The following RAP1GAP2 variants were observed in gnomAD, a reference collection of about 807,000 sequenced individuals.
RAP1GAP2 encodes the protein RAP1 GTPase activating protein 2.
In RAP1GAP2, 27 loss-of-function variants were observed where a neutral mutation model predicts 95.0. The ratio of observed to expected loss-of-function variants is 0.28; its 90% CI spans 0.21 to 0.39. The LOEUF (loss-of-function observed/expected upper bound fraction) is 0.39, where lower values mean the gene tolerates loss of function less well. Ranked by LOEUF, RAP1GAP2 falls within the 10% of genes least tolerant of loss-of-function variation. RAP1GAP2 has a pLI of 1.00. For synonymous variants in RAP1GAP2, 373 were observed against 380.9 expected (o/e 0.98, Z 0.24); for missense variants, 771 against 970.0 (o/e 0.79, Z 2.72).
intron 19 of RAP1GAP2, among the ~76,000 whole-genome samples, chr17:3,024,902 A>G (rs1302938445): frequency 6.6e-6 from 1 of 152,204 alleles, no homozygotes; most frequent in East Asian, 1.9e-4. Flanking sequence ...TTACAGGGAG[A>G]GGACTAGGAA....
upstream of RAP1GAP2, among the ~76,000 whole-genome samples, chr17:2,793,418 T>C (rs2068981506): frequency 6.6e-6 from 1 of 152,292 alleles, no homozygotes; most frequent in Non-Finnish European, 1.5e-5. Flanking sequence ...TCTCCCAAAG[T>C]GTTGGGATTA....
rs150942427 is a variant in RAP1GAP2, at chr17:2,796,758, C to G, written c.44+187C>G. Among the ~76,000 whole-genome samples, 439 of 152,344 alleles carry G rather than the reference C, an allele frequency of 2.9e-3. 2 individuals are homozygous for G. The highest frequency in any genetic ancestry group is 9.9e-3 in the African/African-American group (412 of 41,574). Reference sequence around the variant, plus strand: ...CATCAGAGACCGTAAGCCTTCCCCACTGTCCCTGGGCACAATCTGCTGGCG... The same window carrying G: ...CATCAGAGACCGTAAGCCTTCCCCAGTGTCCCTGGGCACAATCTGCTGGCG... On this transcript the variant is annotated intron_variant, in intron 1 of 24. Transcript: ENST00000254695. The surrounding 1 kb of genome is among the most constrained non-coding windows in gnomAD (Gnocchi z 4.7).
intron 2 of RAP1GAP2, among the ~76,000 whole-genome samples, chr17:2,872,846 A>G (rs965080256): frequency 5.9e-5 from 9 of 151,900 alleles, no homozygotes; most frequent in African/African-American, 2.2e-4. Context: ...AAGTTTTTGT[A>G]GAGACTGGAT....
In RAP1GAP2 at chr17:2,867,933, G is replaced by GCA. The variant is rs1351875789; in HGVS notation, c.81-37351_81-37350insCA. 6.6e-6 allele frequency among the ~76,000 whole-genome samples: 1 copy of GCA among 152,138 alleles called. No homozygotes were observed. The highest frequency in any genetic ancestry group is 6.5e-5 in the Admixed American group (1 of 15,268). The stretch of plus-strand genomic sequence containing the variant: ...TTCTTCTTCACGGATGCAGCTCGCG[G>GCA]GATCCCCAAGCCTTTGGTAGTAAAC... On this transcript the variant is annotated intron_variant, in intron 2 of 24. Coordinates refer to ENST00000254695, the MANE Select transcript of RAP1GAP2 (RefSeq NM_015085.5). This position sits in a 1 kb window ranked among gnomAD's most constrained non-coding sequence, Gnocchi z 4.5.
At chr17:2,905,827 C>T (rs146058086) in intron 3 of RAP1GAP2, among the ~76,000 whole-genome samples, 235 of 152,250 alleles carry the variant, frequency 1.5e-3, no homozygotes, top group Non-Finnish European at 2.7e-3. Context: ...AGGTTCGGGT[C>T]GGGGTGGCAG....
intron 2 of RAP1GAP2, among the ~76,000 whole-genome samples, chr17:2,824,629 A>G (rs1399508774): frequency 6.7e-6 from 1 of 148,590 alleles, no homozygotes; most frequent in African/African-American, 2.5e-5. Context: ...AATCCTAGCT[A>G]CTCGGGAGGC....
At chr17:2,859,400 C>T (rs1021667478) in intron 2 of RAP1GAP2, among the ~76,000 whole-genome samples, 1 of 151,268 alleles carries the variant, frequency 6.6e-6, no homozygotes, top group Non-Finnish European at 1.5e-5. Flanking sequence ...ATACATGAGC[C>T]ACCCTGCTTG....
intron 2 of RAP1GAP2, among the ~76,000 whole-genome samples, chr17:2,881,981 T>C (rs1329242062): frequency 2.8e-5 from 4 of 144,848 alleles, no homozygotes; most frequent in African/African-American, 7.7e-5. Context: ...CCACCACGCC[T>C]GGCTAATTTT....
chr17:2,830,704 A>G (rs1391611327), intron 2 of RAP1GAP2, among the ~76,000 whole-genome samples: 2 of 152,056 alleles, frequency 1.3e-5, no homozygotes, highest in Admixed American at 1.3e-4. Flanking sequence ...ACAGAATGAG[A>G]CTCTGTCTCA....
rs71153307 is a variant in RAP1GAP2 at position 2,868,516 on chromosome 17, A to ATTTTTTTTTTTTTTT, written c.81-36763_81-36749dup. ...TTTAGCAATTCCTCTACCAGGTGCA[A>ATTTTTTTTTTTTTTT]TTTTTTTTTTTTTTTTTTTGAGATG... On this transcript the variant is annotated intron_variant, in intron 2 of 24. Coordinates refer to ENST00000254695, the MANE Select transcript of RAP1GAP2 (RefSeq NM_015085.5). 1.1e-3 allele frequency among the ~76,000 whole-genome samples: 130 copies of ATTTTTTTTTTTTTTT among 122,796 alleles called. 3 individuals are homozygous for ATTTTTTTTTTTTTTT. Among genetic ancestry groups the ATTTTTTTTTTTTTTT allele is most frequent in the African/African-American group, 3.7e-3 (124 of 33,356 alleles). The allele number at this position is 122,796 out of a possible 152,430, so 80.6% of individuals were successfully genotyped here. A position where few individuals can be genotyped will look rare whatever the true frequency, so the allele number is the denominator to read the frequency against.
At position 2,857,995 on chromosome 17, in the gene RAP1GAP2, G is replaced by T. The variant is rs1252921739; in HGVS notation, c.81-47289G>T. 2.6e-5 allele frequency among the ~76,000 whole-genome samples: 4 copies of T among 152,094 alleles called. No individual in the cohort carries two copies. The highest frequency in any genetic ancestry group is 9.7e-5 in the African/African-American group (4 of 41,418). On this transcript the variant is annotated intron_variant, in intron 2 of 24. Coordinates refer to ENST00000254695, the MANE Select transcript of RAP1GAP2 (RefSeq NM_015085.5). This position sits in a 1 kb window ranked among gnomAD's most constrained non-coding sequence, Gnocchi z 4.0. The stretch of plus-strand genomic sequence containing the variant: ...TGCACCTGTAATCCCAGCTATTCAG[G>T]AGGCTGAGGCAGGACAACTGCTTGA...
chr17:2,834,016 G>A (rs2071023997), intron 2 of RAP1GAP2, among the ~76,000 whole-genome samples: 1 of 152,176 alleles, frequency 6.6e-6, no homozygotes, highest in Admixed American at 6.6e-5. Context: ...TCCTCCGTAA[G>A]TCAGGTGGAC....
chr17:2,927,899 A>G lies in RAP1GAP2; in HGVS notation c.165+22531A>G, dbSNP rs553332753. Among the ~76,000 whole-genome samples the G allele has an allele frequency of 8.5e-5, 13 of 152,306 alleles. No individual in the cohort carries two copies. The East Asian group carries it at 1.9e-3, about 23-fold the overall frequency. ...TTTGCGAGCCCGTGACTGATGATAC[A>G]GTATCAGATGTCCTTGCCCTGATCC... is the stretch of plus-strand genomic sequence containing the variant. On this transcript the variant is annotated intron_variant, in intron 3 of 24. Transcript: ENST00000254695.
chr17:2,815,949 G>A (rs117385913), intron 2 of RAP1GAP2, among the ~76,000 whole-genome samples: 1,843 of 152,336 alleles, frequency 0.012, 40 homozygotes, highest in Non-Finnish European at 0.014. Context: ...ATGCGTGGAC[G>A]CAGTCACTGG....
rs1008721258 is a variant in RAP1GAP2, at chr17:2,981,349, G to T, written c.729+101G>T. 6 of 1,098,928 alleles carry T rather than the reference G, an allele frequency of 5.5e-6. No homozygotes were observed. The African/African-American group carries it at 7.9e-5, about 14-fold the overall frequency. The allele number at this position is 1,098,928 out of a possible 1,614,324, so 68.1% of individuals were successfully genotyped here. A position where few individuals can be genotyped will look rare whatever the true frequency, so the allele number is the denominator to read the frequency against. ...GTTCTCTGCATCATAGTGGGGTTTC[G>T]TGGGGTCTCCATAATAAGCTTCCAT... On this transcript the variant is annotated intron_variant, in intron 10 of 24. Transcript: ENST00000254695.
At chr17:2,897,418 T>C (rs2041870881) in intron 2 of RAP1GAP2, among the ~76,000 whole-genome samples, 1 of 152,028 alleles carries the variant, frequency 6.6e-6, no homozygotes, top group African/African-American at 2.4e-5. Flanking sequence ...TGGAGACTTT[T>C]TTTTTTCTTT....
intron 8 of RAP1GAP2, among the ~76,000 whole-genome samples, chr17:2,977,297 C>CA (rs2045164586): frequency 6.6e-6 from 1 of 152,048 alleles, no homozygotes; most frequent in African/African-American, 2.4e-5. Context: ...AAAATTGACT[C>CA]AATAAGGAGT....
chr17:2,919,227 C>CA (rs2042672477), intron 3 of RAP1GAP2, among the ~76,000 whole-genome samples: 1 of 152,182 alleles, frequency 6.6e-6, no homozygotes, highest in African/African-American at 2.4e-5. Flanking sequence ...GGATCCAGCC[C>CA]AGCATCTGAG....
In RAP1GAP2 at chr17:2,866,838, G is replaced by A. The variant is rs150737870; in HGVS notation, c.81-38446G>A. 0.025 allele frequency among the ~76,000 whole-genome samples: 3,693 copies of A among 150,264 alleles called. 60 individuals carry two copies. The highest frequency in any genetic ancestry group is 0.038 in the Non-Finnish European group (2,564 of 67,744). On this transcript the variant is annotated intron_variant, in intron 2 of 24. Coordinates refer to ENST00000254695, the MANE Select transcript of RAP1GAP2 (RefSeq NM_015085.5). The surrounding 1 kb of genome is among the most constrained non-coding windows in gnomAD (Gnocchi z 4.0). ...TGGTCTCGAACTCCTGGCCTCAAGC[G>A]ATCTGCCTGTCTTGGCCTCCCAAAG...
Sources: allele counts gnomAD v4.1 joint callset (sites outside exome capture counted in the v4.1 genomes callset), GRCh38; gene constraint gnomAD v4.1.1; non-coding constraint Gnocchi (gnomAD v3.1); transcripts MANE v1.5; gene names NCBI Gene and HGNC (gene_info 2026-07-23, HGNC 2026-07-21).